The following ADAMTSL3 variants were observed in gnomAD, a reference collection of about 807,000 sequenced individuals.
ADAMTSL3 encodes ADAMTS like 3.
ADAMTSL3 carries 128 observed loss-of-function variants against 201.7 expected under a neutral mutation model. That is an observed-to-expected ratio of 0.63 (90% CI 0.55 to 0.73). The LOEUF is 0.73. Among genes scored for constraint, ADAMTSL3 ranks in the 30% least tolerant of loss-of-function variants. The probability of loss-of-function intolerance (pLI) is 0.00; values close to 1 mark genes in which losing one functional copy is unlikely to be tolerated. For synonymous variants in ADAMTSL3, 738 were observed against 748.4 expected (o/e 0.99, Z 0.23); for missense variants, 1,990 against 2,119.6 (o/e 0.94, Z 1.20).
intron 3 of ADAMTSL3, among the ~76,000 whole-genome samples, chr15:83,726,102 A>G (rs1449871943): frequency 6.6e-6 from 1 of 151,902 alleles, no homozygotes; most frequent in African/African-American, 2.4e-5. Flanking sequence ...TCATTGTAGA[A>G]ATCTTTCATT....
rs2065492733 is a variant in ADAMTSL3 at position 83,891,233 on chromosome 15, GCT to G, written c.1212-93_1212-92del. ...TATTTTTAGTTTCCAATTTGGAAGAGCTCTGTCTCTTGGGATGTCAAATATTA... is the reference window on the plus strand; with the variant it reads ...TATTTTTAGTTTCCAATTTGGAAGAGCTGTCTCTTGGGATGTCAAATATTA... On this transcript the variant is annotated intron_variant, in intron 11 of 29. Transcript: ENST00000286744. 5 of 1,087,246 alleles carry G rather than the reference GCT, an allele frequency of 4.6e-6. No homozygotes were observed. In the African/African-American group the frequency reaches 7.9e-5, roughly 17 times the overall value. 67.3% of individuals were successfully genotyped at this position (1,087,246 alleles called of 1,614,324 possible).
At chr15:83,739,812 G>T (rs2062426686) in intron 3 of ADAMTSL3, 1 of 594,434 alleles carries the variant, frequency 1.7e-6, no homozygotes. Flanking sequence ...ATCCACATTT[G>T]CTGGGCTGGT....
At chr15:83,804,764 G>A in intron 5 of ADAMTSL3, 69 bp downstream of exon 5, 1 of 1,247,822 alleles carries the variant, frequency 8.0e-7, no homozygotes, top group Non-Finnish European at 1.1e-6. Flanking sequence ...ATATTCCAAT[G>A]TGTACTCTAA....
At chr15:83,657,704 C>G (rs1023485273) in intron 2 of ADAMTSL3, among the ~76,000 whole-genome samples, 1 of 152,214 alleles carries the variant, frequency 6.6e-6, no homozygotes, top group African/African-American at 2.4e-5. Context: ...TTGAAGCAAG[C>G]GCAGTGCCTG....
intron 3 of ADAMTSL3, among the ~76,000 whole-genome samples, chr15:83,728,552 A>C (rs752838907): frequency 6.6e-6 from 1 of 152,120 alleles, no homozygotes; most frequent in South Asian, 2.1e-4. Flanking sequence ...TACAAATACT[A>C]TCTGGTAACC....
At chr15:83,827,183 A>C (rs548774677) in intron 6 of ADAMTSL3, among the ~76,000 whole-genome samples, 1 of 152,188 alleles carries the variant, frequency 6.6e-6, no homozygotes, top group East Asian at 1.9e-4. Flanking sequence ...TTGTTTCCTG[A>C]CTTTTTAATG....
At chr15:83,976,818 G>C (rs1237541768) in intron 20 of ADAMTSL3, among the ~76,000 whole-genome samples, 1 of 152,184 alleles carries the variant, frequency 6.6e-6, no homozygotes, top group African/African-American at 2.4e-5. Context: ...TGTGAGGCCT[G>C]ATTCCTAACA....
intron 6 of ADAMTSL3, among the ~76,000 whole-genome samples, chr15:83,837,469 C>G (rs938967795): frequency 2.0e-5 from 3 of 151,860 alleles, no homozygotes; most frequent in Admixed American, 6.6e-5. Context: ...CTGTAATGTT[C>G]TGTTTATTTT....
intron 14 of ADAMTSL3, among the ~76,000 whole-genome samples, chr15:83,898,985 A>T (rs1213327974): frequency 6.6e-6 from 1 of 152,192 alleles, no homozygotes; most frequent in East Asian, 1.9e-4. Context: ...TTCTGCATTT[A>T]TGATACTTTC....
intron 23 of ADAMTSL3, among the ~76,000 whole-genome samples, chr15:83,997,464 C>G (rs984502458): frequency 6.6e-6 from 1 of 152,084 alleles, no homozygotes; most frequent in African/African-American, 2.4e-5. Context: ...TGGCACATGC[C>G]TGTAATCCCA....
intron 7 of ADAMTSL3, among the ~76,000 whole-genome samples, chr15:83,846,866 A>T (rs936321026): frequency 1.3e-5 from 2 of 152,188 alleles, no homozygotes; most frequent in Non-Finnish European, 2.9e-5. Context: ...TTACACTATG[A>T]TGCTCGAGAA....
At position 83,890,187 on chromosome 15, in the gene ADAMTSL3, C is replaced by T. The variant is rs377247019; in HGVS notation, c.1151C>T (p.Pro384Leu). The change falls in exon 11 of 30, where the codon CCT becomes CTT. Residue 384 changes from proline to leucine, a missense_variant. By Grantham distance (98) the Pro-to-Leu change is moderately conservative. Transcript: ENST00000286744. Reference protein sequence around the residue: ...VVPDHYCHYYPENVKPKPKLK... With the variant: ...VVPDHYCHYYLENVKPKPKLK... ...CCTGACCATTATTGTCACTACTACC[C>T]TGAAAATGTAAAACCAAAACCAAAA... 5.6e-6 allele frequency: 9 copies of T among 1,613,850 alleles called. No homozygotes were observed. The Admixed American group carries it at 6.7e-5, about 12-fold the overall frequency.
In ADAMTSL3 at chr15:83,926,701, C is replaced by T. The variant is rs1406078428; in HGVS notation, c.2117+2668C>T. 7.3e-5 allele frequency among the ~76,000 whole-genome samples: 11 copies of T among 151,582 alleles called. No individual in the cohort carries two copies. The East Asian group carries it at 2.0e-3, about 27-fold the overall frequency. On this transcript the variant is annotated intron_variant, in intron 17 of 29. Transcript: ENST00000286744. ...CAATCTTATGGCTCGCTGCAACTTC[C>T]ACCTCCTGGGTTCAAGCGATTCTCC...
Position 83,823,965 on chromosome 15 carries a change from T to A in ADAMTSL3, c.600+3918T>A, listed in dbSNP as rs6602995. 7.5e-3 allele frequency among the ~76,000 whole-genome samples: 547 copies of A among 73,068 alleles called. 32 individuals are homozygous for A. The highest frequency in any genetic ancestry group is 0.014 in the East Asian group (30 of 2,134). The allele number at this position is 73,068 out of a possible 152,430, so 47.9% of individuals were successfully genotyped here. On this transcript the variant is annotated intron_variant, in intron 6 of 29. Transcript: ENST00000286744. ...CTTCTTCTTCTTCTTCTTCTTCTTCTTCTTCTTCTCCTCCTCCTCCTCCTC... is the reference window on the plus strand; with the variant it reads ...CTTCTTCTTCTTCTTCTTCTTCTTCATCTTCTTCTCCTCCTCCTCCTCCTC...
At chr15:83,859,935 G>C (rs1230054241) in intron 8 of ADAMTSL3, among the ~76,000 whole-genome samples, 3 of 152,166 alleles carry the variant, frequency 2.0e-5, no homozygotes, top group Admixed American at 6.6e-5. Flanking sequence ...GGCTGTGGCA[G>C]GAGGATCACT....
intron 21 of ADAMTSL3, among the ~76,000 whole-genome samples, chr15:83,986,690 T>C (rs1373104585): frequency 6.6e-6 from 1 of 152,206 alleles, no homozygotes; most frequent in Non-Finnish European, 1.5e-5. Flanking sequence ...AATTGAGAAA[T>C]GGAATTATGT....
rs1305193826 is a variant in ADAMTSL3, at chr15:83,914,404, G to A, written c.1987+1026G>A. The stretch of plus-strand genomic sequence containing the variant: ...CAATCCTTATCATTCAGTCTCTATG[G>A]CTTGATTGTATCTGTTTTTCTCTTT... On this transcript the variant is annotated intron_variant, in intron 16 of 29. Transcript: ENST00000286744. 2.6e-5 allele frequency among the ~76,000 whole-genome samples: 4 copies of A among 152,134 alleles called. No homozygotes were observed. The East Asian group carries it at 7.7e-4, about 29-fold the overall frequency.
chr15:83,683,682 T>C (rs1417801794), intron 2 of ADAMTSL3, among the ~76,000 whole-genome samples: 1 of 152,190 alleles, frequency 6.6e-6, no homozygotes, highest in Non-Finnish European at 1.5e-5. Context: ...AAACAGTTCC[T>C]GGCAGCCTTG....
intron 2 of ADAMTSL3, among the ~76,000 whole-genome samples, chr15:83,704,122 G>C (rs999671345): frequency 1.3e-5 from 2 of 152,178 alleles, no homozygotes; most frequent in Non-Finnish European, 2.9e-5. Flanking sequence ...GGGAGCAGAG[G>C]TAGCGGGGAG....
Sources: gnomAD v4.1 joint callset for allele counts (sites outside exome capture counted in the v4.1 genomes callset) on GRCh38, gnomAD v4.1.1 for gene constraint, MANE v1.5 for transcripts, NCBI Gene and HGNC (gene_info 2026-07-23, HGNC 2026-07-21) for gene names.